ZNF730: variants seen among roughly 807,000 people sequenced by gnomAD.
ZNF730 encodes zinc finger protein 730, also known as putative zinc finger protein 730.
ZNF730 carries 12 observed loss-of-function variants against 12.6 expected under a neutral mutation model. That is an observed-to-expected ratio of 0.95 (90% CI 0.61 to 1.54). The LOEUF is 1.54. Ranked by LOEUF, ZNF730 falls within the 40% of genes most tolerant of loss-of-function variation. The pLI is 0.00. For synonymous variants in ZNF730, 194 were observed against 195.8 expected, an observed-to-expected ratio of 0.99 and a Z score of 0.08; for missense variants, 643 against 583.5, an observed-to-expected ratio of 1.10 and a Z score of -1.05.
In ZNF730 at chr19:23,094,827, A is replaced by G. The variant is rs143172967; in HGVS notation, c.-94+19440A>G. On this transcript the variant is annotated intron_variant, in intron 1 of 2. Coordinates refer to the ZNF730 transcript ENST00000593635. Reference sequence around the variant, plus strand: ...TCACTATGTTGTCCAGGCTTTGGTTATATATATTACTCTTTTAACTTTGTC... The same window carrying G: ...TCACTATGTTGTCCAGGCTTTGGTTGTATATATTACTCTTTTAACTTTGTC... Among the ~76,000 whole-genome samples the G allele has an allele frequency of 6.4e-4, 97 of 151,860 alleles. 1 individual carries two copies. The highest frequency in any genetic ancestry group is 2.3e-3 in the African/African-American group (95 of 41,380).
At chr19:23,119,686 G>GCACA (rs1442641202) in intron 1 of ZNF730, among the ~76,000 whole-genome samples, 1 of 152,060 alleles carries the variant, frequency 6.6e-6, no homozygotes, top group African/African-American at 2.4e-5. Context: ...GTGTGGTGGT[G>GCACA]CACACCTGTA....
chr19:23,075,834 G>A (rs576463485), intron 1 of ZNF730, among the ~76,000 whole-genome samples: 4 of 152,114 alleles, frequency 2.6e-5, no homozygotes, highest in African/African-American at 4.8e-5. Context: ...CGTCTCCCAG[G>A]GTCAAGCCTC....
chr19:23,094,416 G>A (rs1970215347), intron 1 of ZNF730, among the ~76,000 whole-genome samples: 1 of 150,346 alleles, frequency 6.7e-6, no homozygotes, highest in South Asian at 2.1e-4. Context: ...CTATCTGTGG[G>A]CACTCTATAG....
intron 1 of ZNF730, among the ~76,000 whole-genome samples, chr19:23,096,564 GTGTT>G (rs548562955): frequency 6.4e-4 from 97 of 152,278 alleles, no homozygotes; most frequent in Middle Eastern, 6.8e-3. Flanking sequence ...GCCAACTGGG[GTGTT>G]TGTTACATAT....
intron 1 of ZNF730, among the ~76,000 whole-genome samples, chr19:23,108,348 C>T (rs1970419350): frequency 6.6e-6 from 1 of 152,004 alleles, no homozygotes; most frequent in African/African-American, 2.4e-5. Context: ...CCCACGCTGC[C>T]CCAAGTGATT....
At chr19:23,107,413 T>C (rs1970405265) in intron 1 of ZNF730, among the ~76,000 whole-genome samples, 1 of 127,302 alleles carries the variant, frequency 7.9e-6, no homozygotes, top group Admixed American at 9.5e-5. Context: ...CTGGACCCTC[T>C]GGTGATATCC....
intron 1 of ZNF730, chr19:23,127,539 A>G: frequency 1.1e-6 from 1 of 908,590 alleles, no homozygotes; most frequent in Non-Finnish European, 1.8e-6. Flanking sequence ...TAACCTGCAT[A>G]GTCTTCATTT....
At chr19:23,104,947 T>C (rs1970375321) in intron 1 of ZNF730, among the ~76,000 whole-genome samples, 1 of 152,118 alleles carries the variant, frequency 6.6e-6, no homozygotes, top group African/African-American at 2.4e-5. Context: ...AACACATGGC[T>C]GTGCTCAGCT....
intron 1 of ZNF730, among the ~76,000 whole-genome samples, chr19:23,103,388 G>T (rs529165499): frequency 2.6e-5 from 4 of 152,294 alleles, no homozygotes; most frequent in Non-Finnish European, 5.9e-5. Flanking sequence ...TACTCGTAAT[G>T]CACTAATCTG....
At chr19:23,134,840 A>G (rs200159792) in intron 2 of ZNF730, among the ~76,000 whole-genome samples, 3 of 124,148 alleles carry the variant, frequency 2.4e-5, no homozygotes, top group East Asian at 2.4e-4. Context: ...CTGTGTGGAT[A>G]GAAGTAGACA....
chr19:23,098,538 T>C (rs1970289614), intron 1 of ZNF730: 1 of 152,196 alleles, frequency 6.6e-6, no homozygotes, highest in South Asian at 2.1e-4. Flanking sequence ...TTGTGACATA[T>C]ATCTGCATCT....
At chr19:23,104,899 G>A (rs904930720) in intron 1 of ZNF730, among the ~76,000 whole-genome samples, 3 of 152,086 alleles carry the variant, frequency 2.0e-5, no homozygotes, top group African/African-American at 7.2e-5. Flanking sequence ...GACCTTAAAA[G>A]GAAAGGATTA....
chr19:23,128,218 G>C (rs143122062), intron 1 of ZNF730: 8,734 of 756,846 alleles, frequency 0.012, 106 homozygotes, highest in Admixed American at 0.037. Flanking sequence ...CCCTGGTTAT[G>C]ATTCTGAAAG....
intron 1 of ZNF730, among the ~76,000 whole-genome samples, chr19:23,089,276 G>A (rs911261201): frequency 2.0e-5 from 3 of 150,778 alleles, no homozygotes; most frequent in African/African-American, 7.3e-5. Context: ...GTGTGATCTC[G>A]GCTTCTGGCA....
Position 23,145,728 on chromosome 19 carries a change from CAAATGTAA to C in ZNF730, c.686_693del (p.Lys229ArgfsTer7). On this transcript the variant is annotated frameshift_variant, in exon 4 of 4. Coordinates refer to ENST00000597761, the MANE Select transcript of ZNF730 (RefSeq NM_001277403.2). LOFTEE classifies it low-confidence loss of function (END_TRUNC). Reference sequence around the variant, plus strand: ...AAAGAATTACTGAGAAAAAACCTTACAAATGTAAAGAATGTGGCAAAGCCTTTAACTGG... The same window carrying C: ...AAAGAATTACTGAGAAAAAACCTTACAGAATGTGGCAAAGCCTTTAACTGG... 1 of 1,558,414 alleles carries C rather than the reference CAAATGTAA, an allele frequency of 6.4e-7. No individual in the cohort carries two copies. The highest frequency in any genetic ancestry group is 1.2e-5 in the South Asian group (1 of 85,290).
rs557443250 is a variant in ZNF730 at position 23,146,446 on chromosome 19, A to G, written c.1402A>G (p.Thr468Ala). ...AGCTTTTAACCGGTCCTCAACCCTCACTACACATAAGATAATTCATTCTGG... is the reference window on the plus strand; with the variant it reads ...AGCTTTTAACCGGTCCTCAACCCTCGCTACACATAAGATAATTCATTCTGG... ...GKAFNRSSTLTTHKIIHSGEK... is the reference protein window; with the variant it reads ...GKAFNRSSTLATHKIIHSGEK... Residue 468 changes from threonine to alanine, a missense_variant, in exon 4 of 4, where the codon ACT becomes GCT. By Grantham distance (58) the Thr-to-Ala change is moderately conservative. Coordinates refer to ENST00000597761, the MANE Select transcript of ZNF730 (RefSeq NM_001277403.2). 91 of 1,612,436 alleles carry G rather than the reference A, an allele frequency of 5.6e-5. 1 individual carries two copies. The South Asian group carries it at 9.9e-4, about 18-fold the overall frequency.
intron 1 of ZNF730, among the ~76,000 whole-genome samples, chr19:23,117,893 A>T (rs1970552270): frequency 6.6e-6 from 1 of 152,030 alleles, no homozygotes; most frequent in Non-Finnish European, 1.5e-5. Context: ...ATTTTTTTTT[A>T]AAGTAGGAAT....
At chr19:23,090,967 T>TGA (rs1970149262) in intron 1 of ZNF730, among the ~76,000 whole-genome samples, 1 of 149,664 alleles carries the variant, frequency 6.7e-6, no homozygotes, top group Non-Finnish European at 1.5e-5. Context: ...GCCATTGCAC[T>TGA]CCATCCTGGG....
intron 3 of ZNF730, among the ~76,000 whole-genome samples, chr19:23,140,983 G>A (rs951898743): frequency 6.6e-6 from 1 of 152,024 alleles, no homozygotes; most frequent in African/African-American, 2.4e-5. Flanking sequence ...TTCATGGCCA[G>A]TCATGGTGGT....
Sources: allele counts gnomAD v4.1 joint callset (sites outside exome capture counted in the v4.1 genomes callset), GRCh38; gene constraint gnomAD v4.1.1; transcripts MANE v1.5; gene names NCBI Gene and HGNC (gene_info 2026-07-23, HGNC 2026-07-21).